The following PCDH9 variants were observed in gnomAD, a reference collection of about 807,000 sequenced individuals.
PCDH9 encodes the protein protocadherin-9.
In PCDH9, 24 loss-of-function variants were observed where a neutral mutation model predicts 70.6. The observed-to-expected ratio is 0.34, with a 90% CI of 0.25 to 0.48. PCDH9 has a LOEUF of 0.48. PCDH9 is among the 20% of genes least tolerant of loss of function. PCDH9 has a pLI of 0.99. For missense variants in PCDH9, 1,281 were observed against 1,503.6 expected (o/e 0.85, Z 2.45); for synonymous variants, 562 against 558.5 (o/e 1.01, Z -0.09).
intron 2 of PCDH9, among the ~76,000 whole-genome samples, chr13:67,094,421 G>A (rs747440580): frequency 4.6e-5 from 7 of 152,168 alleles, no homozygotes; most frequent in Non-Finnish European, 1.0e-4. Flanking sequence ...TTAAAAAGGG[G>A]AGGAAATAAT....
chr13:66,454,383 A>T (rs956976559), intron 4 of PCDH9, among the ~76,000 whole-genome samples: 2 of 152,170 alleles, frequency 1.3e-5, no homozygotes, highest in Non-Finnish European at 2.9e-5. Flanking sequence ...ACATACAATT[A>T]TATGACATTA....
intron 2 of PCDH9, among the ~76,000 whole-genome samples, chr13:67,055,341 G>T (rs1367986999): frequency 1.3e-5 from 2 of 152,152 alleles, no homozygotes; most frequent in African/African-American, 2.4e-5. Flanking sequence ...TGGTACAGTT[G>T]TTAAGATTTT....
intron 2 of PCDH9, among the ~76,000 whole-genome samples, chr13:67,143,576 T>TAAG (rs1406060286): frequency 6.6e-6 from 1 of 151,736 alleles, no homozygotes; most frequent in South Asian, 2.1e-4. Context: ...CTAGCCAAAA[T>TAAG]AATAATAATA....
chr13:67,174,141 A>C (rs993544407), intron 2 of PCDH9, among the ~76,000 whole-genome samples: 1 of 152,192 alleles, frequency 6.6e-6, no homozygotes, highest in African/African-American at 2.4e-5. Context: ...TGGGGAAATT[A>C]AAAATCCCTC....
chr13:67,026,455 T>C (rs907247900), intron 2 of PCDH9, among the ~76,000 whole-genome samples: 1 of 152,050 alleles, frequency 6.6e-6, no homozygotes, highest in Non-Finnish European at 1.5e-5. Flanking sequence ...ACAGCCCATA[T>C]CATACTGAAT....
chr13:66,693,527 A>G (rs2078517220), intron 3 of PCDH9, among the ~76,000 whole-genome samples: 1 of 152,180 alleles, frequency 6.6e-6, no homozygotes, highest in Non-Finnish European at 1.5e-5. Context: ...GAAATACATT[A>G]TTTTTAAAAA....
At chr13:66,717,843 C>T (rs1251642044) in intron 3 of PCDH9, among the ~76,000 whole-genome samples, 2 of 152,090 alleles carry the variant, frequency 1.3e-5, no homozygotes, top group Non-Finnish European at 2.9e-5. Flanking sequence ...GTATGTCCAA[C>T]ACAATTTATA....
At chr13:66,416,335 A>G (rs1957460143) in intron 4 of PCDH9, among the ~76,000 whole-genome samples, 1 of 151,916 alleles carries the variant, frequency 6.6e-6, no homozygotes, top group African/African-American at 2.4e-5. Context: ...AAAAAAAGGA[A>G]AAGAAAAAAT....
At chr13:67,110,270 T>A (rs2086631276) in intron 2 of PCDH9, among the ~76,000 whole-genome samples, 1 of 151,276 alleles carries the variant, frequency 6.6e-6, no homozygotes, top group African/African-American at 2.4e-5. Flanking sequence ...ACACCTGTAA[T>A]CCCAGCACTT....
chr13:66,945,226 T>C (rs2083069862), intron 2 of PCDH9, among the ~76,000 whole-genome samples: 1 of 151,964 alleles, frequency 6.6e-6, no homozygotes, highest in Non-Finnish European at 1.5e-5. Flanking sequence ...TATTCACAAT[T>C]CCTTACTTTC....
intron 4 of PCDH9, among the ~76,000 whole-genome samples, chr13:66,405,799 C>T (rs182138919): frequency 2.0e-5 from 3 of 152,204 alleles, no homozygotes; most frequent in East Asian, 3.9e-4. Flanking sequence ...ATGTGGCAAC[C>T]GTATGTCTTG....
chr13:67,187,783 T>C (rs1407524417), intron 2 of PCDH9, among the ~76,000 whole-genome samples: 3 of 152,096 alleles, frequency 2.0e-5, no homozygotes, highest in Non-Finnish European at 4.4e-5. Flanking sequence ...TTATTATGGA[T>C]ACATAACAGT....
intron 3 of PCDH9, among the ~76,000 whole-genome samples, chr13:66,684,691 T>G (rs1055122245): frequency 1.3e-5 from 2 of 152,190 alleles, no homozygotes; most frequent in Non-Finnish European, 2.9e-5. Context: ...TAAAGCTCTT[T>G]CCTTTATAAA....
chr13:66,447,602 C>T (rs1416791981), intron 4 of PCDH9, among the ~76,000 whole-genome samples: 1 of 152,042 alleles, frequency 6.6e-6, no homozygotes, highest in Non-Finnish European at 1.5e-5. Flanking sequence ...TCTATTTTGT[C>T]AGTCTGTCAT....
At chr13:66,759,434 C>T (rs1229760707) in intron 3 of PCDH9, among the ~76,000 whole-genome samples, 1 of 152,060 alleles carries the variant, frequency 6.6e-6, no homozygotes, top group Non-Finnish European at 1.5e-5. Context: ...TTTGTTTATA[C>T]ATTCAGCCAC....
At chr13:67,040,202 C>T (rs867244200) in intron 2 of PCDH9, among the ~76,000 whole-genome samples, 60 of 152,228 alleles carry the variant, frequency 3.9e-4, no homozygotes, top group South Asian at 8.3e-4. Flanking sequence ...TCCCCCCAGA[C>T]GTTATATGTT....
At chr13:66,924,299 T>A (rs893858867) in intron 2 of PCDH9, among the ~76,000 whole-genome samples, 3 of 151,916 alleles carry the variant, frequency 2.0e-5, no homozygotes, top group Non-Finnish European at 4.4e-5. Context: ...ATTAACCCTT[T>A]CAGGTAATAC....
At chr13:66,743,861 T>C (rs186911201) in intron 3 of PCDH9, among the ~76,000 whole-genome samples, 5 of 152,182 alleles carry the variant, frequency 3.3e-5, no homozygotes, top group Non-Finnish European at 7.4e-5. Flanking sequence ...AAAACACAAG[T>C]AGTGTCATGA....
At chr13:66,896,126 G>A (rs1306166542) in intron 3 of PCDH9, among the ~76,000 whole-genome samples, 1 of 152,138 alleles carries the variant, frequency 6.6e-6, no homozygotes, top group Non-Finnish European at 1.5e-5. Context: ...TTGTGGTGAA[G>A]AAAGAATTGG....
Sources: gnomAD v4.1 joint callset for allele counts (sites outside exome capture counted in the v4.1 genomes callset) on GRCh38, gnomAD v4.1.1 for gene constraint, MANE v1.5 for transcripts, NCBI Gene and HGNC (gene_info 2026-07-23, HGNC 2026-07-21) for gene names.